Variants in BACE2 observed in about 807,000 individuals in gnomAD.
BACE2 encodes 56 kDa aspartic-like protease.
A neutral mutation model predicts 46.2 loss-of-function variants in BACE2; 17 were observed. That is an observed-to-expected ratio of 0.37 (90% CI 0.25 to 0.55). The LOEUF is 0.55. BACE2 is among the 20% of genes least tolerant of loss of function. The pLI, the probability that BACE2 is intolerant of heterozygous loss-of-function variation, is 0.82. For synonymous variants in BACE2, 277 were observed against 295.9 expected (o/e 0.94, Z 0.66); for missense variants, 595 against 698.1 (o/e 0.85, Z 1.66).
chr21:41,188,076 A>C (rs984559118), intron 1 of BACE2, among the ~76,000 whole-genome samples: 10 of 152,204 alleles, frequency 6.6e-5, no homozygotes, highest in African/African-American at 2.4e-4. Flanking sequence ...TTAACCCTGT[A>C]GTCCAGGGGC....
At chr21:41,243,025 T>G (rs1044375096) in intron 4 of BACE2, among the ~76,000 whole-genome samples, 1 of 152,176 alleles carries the variant, frequency 6.6e-6, no homozygotes, top group Non-Finnish European at 1.5e-5. Flanking sequence ...GCGATTCTCC[T>G]GCCTCAGCCT....
Position 41,277,767 on chromosome 21 carries a change from G to A in BACE2, c.*2143G>A, listed in dbSNP as rs900532991. ...AACAGGCATAGTTCTTAAAATACAG[G>A]AAAGTAACAAGTGAGGTTTCCAGGT... On this transcript the variant is annotated 3_prime_UTR_variant, in exon 9 of 9. Coordinates refer to ENST00000330333, the MANE Select transcript of BACE2 (RefSeq NM_012105.5). The A allele has an allele frequency of 6.6e-6, 1 of 152,236 alleles. No homozygotes were observed. The highest frequency in any genetic ancestry group is 1.9e-4 in the East Asian group (1 of 5,196). The allele number at this position is 152,236 out of a possible 1,614,324, so 9.4% of individuals were successfully genotyped here.
At chr21:41,179,585 G>A (rs761055817) in intron 1 of BACE2, 1 of 1,348,572 alleles carries the variant, frequency 7.4e-7, no homozygotes, top group African/African-American at 1.5e-5. Flanking sequence ...CACATGTGTG[G>A]TGAGGAGGTG....
Position 41,278,625 on chromosome 21 carries a change from C to T in BACE2, c.*3001C>T, listed in dbSNP as rs1441401964. 6.6e-6 allele frequency: 1 copy of T among 152,174 alleles called. No homozygotes were observed. Among genetic ancestry groups the T allele is most frequent in the Non-Finnish European group, 1.5e-5 (1 of 68,042 alleles). 9.4% of individuals were successfully genotyped at this position (152,174 alleles called of 1,614,324 possible). On this transcript the variant is annotated 3_prime_UTR_variant, in exon 9 of 9. Transcript: ENST00000330333. Reference sequence around the variant, plus strand: ...ATTGTGAAAGTAGTTCCCAGGAAGACAGCATTAGTGACTCCGCAGTGCTTT... The same window carrying T: ...ATTGTGAAAGTAGTTCCCAGGAAGATAGCATTAGTGACTCCGCAGTGCTTT...
At chr21:41,191,164 T>C (rs1985558201) in intron 1 of BACE2, among the ~76,000 whole-genome samples, 1 of 152,206 alleles carries the variant, frequency 6.6e-6, no homozygotes, top group Non-Finnish European at 1.5e-5. Flanking sequence ...ATTCAGAGCA[T>C]ACACGGCCTT....
chr21:41,254,298 C>G (rs1987718832), intron 7 of BACE2, among the ~76,000 whole-genome samples: 1 of 152,244 alleles, frequency 6.6e-6, no homozygotes, highest in Non-Finnish European at 1.5e-5. Context: ...TTTATCCCTA[C>G]TTGACCTGCT....
intron 1 of BACE2, among the ~76,000 whole-genome samples, chr21:41,199,655 T>C (rs751708177): frequency 3.9e-5 from 6 of 152,268 alleles, no homozygotes; most frequent in Non-Finnish European, 8.8e-5. Context: ...GAAAAGCCAG[T>C]GCATGGATCC....
intron 1 of BACE2, among the ~76,000 whole-genome samples, chr21:41,205,672 GT>G: frequency 6.6e-6 from 1 of 152,124 alleles, no homozygotes; most frequent in East Asian, 1.9e-4. Context: ...AGCGTGTTGG[GT>G]GGCCGAGGAG....
chr21:41,201,541 G>T (rs931980957), intron 1 of BACE2, among the ~76,000 whole-genome samples: 6 of 152,168 alleles, frequency 3.9e-5, no homozygotes, highest in African/African-American at 7.2e-5. Flanking sequence ...TTACTGTCTC[G>T]CCTCCATCTG....
At chr21:41,234,536 AC>A (rs1266822054) in intron 2 of BACE2, among the ~76,000 whole-genome samples, 1 of 152,216 alleles carries the variant, frequency 6.6e-6, no homozygotes, top group African/African-American at 2.4e-5. Context: ...TGGCCTACAA[AC>A]CTAAAACGTC....
chr21:41,205,864 A>G (rs1986107671), intron 1 of BACE2, among the ~76,000 whole-genome samples: 1 of 152,140 alleles, frequency 6.6e-6, no homozygotes, highest in African/African-American at 2.4e-5. Context: ...CTTCATCTCT[A>G]TGACTCAGGC....
intron 1 of BACE2, among the ~76,000 whole-genome samples, chr21:41,217,753 A>G (rs1986517496): frequency 6.6e-6 from 1 of 152,244 alleles, no homozygotes; most frequent in African/African-American, 2.4e-5. Flanking sequence ...AGAAGGTGTC[A>G]CAGAGCCAGC....
intron 1 of BACE2, among the ~76,000 whole-genome samples, chr21:41,187,776 C>G (rs536702326): frequency 6.6e-6 from 1 of 152,272 alleles, no homozygotes; most frequent in South Asian, 2.1e-4. Flanking sequence ...GTTGAGTGCT[C>G]TGAACGTTAA....
At chr21:41,236,041 G>A (rs1469026346) in intron 2 of BACE2, among the ~76,000 whole-genome samples, 3 of 152,218 alleles carry the variant, frequency 2.0e-5, no homozygotes, top group Non-Finnish European at 2.9e-5. Flanking sequence ...GATCGCTTTA[G>A]TATGATCTAC....
At chr21:41,172,754 CT>C (rs1301118588) in intron 1 of BACE2, among the ~76,000 whole-genome samples, 1 of 152,234 alleles carries the variant, frequency 6.6e-6, no homozygotes, top group African/African-American at 2.4e-5. Flanking sequence ...CCTCCCTCAT[CT>C]TCCCTTTCCT....
intron 1 of BACE2, among the ~76,000 whole-genome samples, chr21:41,216,521 G>T (rs1290709731): frequency 1.3e-5 from 2 of 152,270 alleles, no homozygotes; most frequent in African/African-American, 4.8e-5. Context: ...ACTTTGGTCT[G>T]ACTTTCTCTG....
chr21:41,246,087 G>A (rs766239121), intron 6 of BACE2, 24 bp downstream of exon 6: 2 of 1,564,208 alleles, frequency 1.3e-6, no homozygotes, highest in East Asian at 2.3e-5. Flanking sequence ...ACACTCACGG[G>A]TCCCCGAGTT....
Position 41,275,815 on chromosome 21 carries a change from C to T in BACE2, c.*191C>T, listed in dbSNP as rs1474093195. 1.4e-6 allele frequency: 1 copy of T among 704,434 alleles called. No homozygotes were observed. The highest frequency in any genetic ancestry group is 1.8e-5 in the African/African-American group (1 of 55,598). The allele number at this position is 704,434 out of a possible 1,614,324, so 43.6% of individuals were successfully genotyped here. ...TTTTCAAGCTTTCAAATCCTCCCTA[C>T]TTCCAAGAAAAATAATTAAAAAAAA... On this transcript the variant is annotated 3_prime_UTR_variant, in exon 9 of 9. Transcript: ENST00000330333.
chr21:41,186,437 A>G (rs927588409), intron 1 of BACE2: 1 of 152,286 alleles, frequency 6.6e-6, no homozygotes, highest in African/African-American at 2.4e-5. Flanking sequence ...CCTCAGTGTT[A>G]CAGATCTTAC....
Sources: gnomAD v4.1 joint callset for allele counts (sites outside exome capture counted in the v4.1 genomes callset) on GRCh38, gnomAD v4.1.1 for gene constraint, MANE v1.5 for transcripts, NCBI Gene and HGNC (gene_info 2026-07-23, HGNC 2026-07-21) for gene names.